RDH16: variants seen among roughly 807,000 people sequenced by gnomAD.
RDH16 encodes the protein retinol dehydrogenase 16, also known as human epidermal retinol dehydrogenase.
RDH16 carries 25 observed loss-of-function variants against 22.3 expected under a neutral mutation model. That is an observed-to-expected ratio of 1.12 (90% CI 0.82 to 1.56). RDH16 has a LOEUF of 1.56. RDH16 is among the 40% of genes most tolerant of loss of function. The probability of loss-of-function intolerance (pLI) is 0.00; values close to 1 mark genes in which losing one functional copy is unlikely to be tolerated. For missense variants in RDH16, 413 were observed against 394.9 expected (o/e 1.05, Z -0.39); for synonymous variants, 154 against 164.4 (o/e 0.94, Z 0.48).
intron 3 of RDH16, 123 bp from the exon 4 acceptor site, chr12:56,952,369 C>T: frequency 1.2e-6 from 1 of 861,368 alleles, no homozygotes; most frequent in Non-Finnish European, 1.8e-6. Context: ...TCAAGCAATG[C>T]CTCAAATCTC....
At chr12:56,954,868 G>C (rs148292475) in intron 2 of RDH16, 38 bp downstream of exon 2, 2 of 1,609,192 alleles carry the variant, frequency 1.2e-6, no homozygotes, top group African/African-American at 2.7e-5. Flanking sequence ...AAGGACAGGA[G>C]CAGGAAGACT....
chr12:56,955,813 C>T (rs774322183), intron 1 of RDH16, among the ~76,000 whole-genome samples: 4 of 152,074 alleles, frequency 2.6e-5, no homozygotes, highest in Non-Finnish European at 5.9e-5. Flanking sequence ...AGCAAGGTTG[C>T]GTCACCCCAC....
intron 1 of RDH16, among the ~76,000 whole-genome samples, chr12:56,955,850 C>T (rs1391593090): frequency 6.6e-6 from 1 of 152,112 alleles, no homozygotes; most frequent in African/African-American, 2.4e-5. Context: ...ACCCTCTGCC[C>T]CAGAAAATGT....
chr12:56,952,336 T>C, intron 3 of RDH16, 90 bp from the exon 4 acceptor site: 1 of 1,206,726 alleles, frequency 8.3e-7, no homozygotes, highest in Admixed American at 2.1e-5. Context: ...GTCTAAGAAC[T>C]CATGCCACCC....
chr12:56,956,156 ATTTTT>A (rs1377903766), intron 1 of RDH16, among the ~76,000 whole-genome samples: 6 of 152,156 alleles, frequency 3.9e-5, no homozygotes, highest in African/African-American at 1.4e-4. Flanking sequence ...CAGACATCTC[ATTTTT>A]AAGAATCCAA....
At position 56,952,952 on chromosome 12, in the gene RDH16, A is replaced by G. The variant is rs771263690; in HGVS notation, c.611T>C (p.Ile204Thr). The change falls in exon 3 of 4, where the codon ATT (isoleucine) becomes ACT (threonine). Residue 204 changes from isoleucine to threonine, a missense_variant. Coordinates refer to ENST00000398138, the MANE Select transcript of RDH16 (RefSeq NM_003708.5). ...AGCAGTCTTGAAATAGCCAGGTTCA[A>G]TCATAGCCACCTTCACCCCAAAGTA... ...LSYFGVKVAM[I>T]EPGYFKTAVT... 1.9e-6 allele frequency: 3 copies of G among 1,613,938 alleles called. No homozygotes were observed. Among genetic ancestry groups the G allele is most frequent in the Non-Finnish European group, 1.7e-6 (2 of 1,179,922 alleles).
chr12:56,955,189 G>T lies in RDH16; in HGVS notation c.314-25C>A, dbSNP rs777977253. ...CCTGGGACAGTGGGAAGATGAGAGA[G>T]CATCACTGTGTTGTGCCTGTGCAGG... On this transcript the variant is annotated intron_variant, in intron 1 of 3. Transcript: ENST00000398138. The T allele has an allele frequency of 2.5e-6, 4 of 1,613,110 alleles. No homozygotes were observed. In the Admixed American group the frequency reaches 6.7e-5, roughly 27 times the overall value.
chr12:56,952,377 C>A, intron 3 of RDH16, 131 bp from the exon 4 acceptor site: 1 of 806,706 alleles, frequency 1.2e-6, no homozygotes, highest in Non-Finnish European at 2.0e-6. Context: ...TGCCTCAAAT[C>A]TCTTTTATCC....
chr12:56,956,303 G>A (rs1171907237), intron 1 of RDH16, among the ~76,000 whole-genome samples: 2 of 152,108 alleles, frequency 1.3e-5, no homozygotes, highest in East Asian at 1.9e-4. Flanking sequence ...CTATTGGAAG[G>A]ATACAGTATT....
At position 56,957,445 on chromosome 12, in the gene RDH16, C is replaced by T. The variant is rs555249718; in HGVS notation, c.18G>A (p.Ala6=). MWLYL[A]VFVGLYYLLH... Reference sequence around the variant, plus strand: ...GAAGGTAGTACAGGCCCACGAAAACCGCCAGGTAGAGCCACATGGCTTTGC... The same window carrying T: ...GAAGGTAGTACAGGCCCACGAAAACTGCCAGGTAGAGCCACATGGCTTTGC... The change falls in exon 1 of 4, where the codon GCG becomes GCA. Residue 6 remains alanine, a synonymous_variant. Coordinates refer to ENST00000398138, the MANE Select transcript of RDH16 (RefSeq NM_003708.5). 100 of 1,611,940 alleles carry T rather than the reference C, an allele frequency of 6.2e-5. 1 individual carries two copies. In the South Asian group the frequency reaches 8.4e-4, roughly 13 times the overall value.
Position 56,954,959 on chromosome 12 carries a change from A to G in RDH16, c.519T>C (p.Gly173=), listed in dbSNP as rs753474390. ...CATACTTGGAGATGCAGTAGCCTCC[A>G]CCAAAAAGTGACACCCGGCCCATGA... The part of the protein sequence containing the change: ...SSVMGRVSLF[G]GGYCISKYGV... Residue 173 remains glycine, a synonymous_variant, in exon 2 of 4, where the codon GGT becomes GGC. Coordinates refer to ENST00000398138, the MANE Select transcript of RDH16 (RefSeq NM_003708.5). 1.8e-5 allele frequency: 29 copies of G among 1,614,054 alleles called. No homozygotes were observed. Among genetic ancestry groups the G allele is most frequent in the South Asian group, 4.4e-5 (4 of 91,080 alleles).
intron 2 of RDH16, among the ~76,000 whole-genome samples, chr12:56,954,096 G>C (rs1955905663): frequency 6.6e-6 from 1 of 152,214 alleles, no homozygotes; most frequent in African/African-American, 2.4e-5. Context: ...TGAAGGAATG[G>C]CCTCAGGGCT....
intron 1 of RDH16, 106 bp from the exon 2 acceptor site, chr12:56,955,270 T>C: frequency 7.3e-7 from 1 of 1,364,004 alleles, no homozygotes; most frequent in Non-Finnish European, 1.0e-6. Flanking sequence ...GACTGACAGG[T>C]GTGGGATGGG....
intron 2 of RDH16, among the ~76,000 whole-genome samples, chr12:56,953,518 C>T (rs558572365): frequency 6.6e-6 from 1 of 152,346 alleles, no homozygotes; most frequent in East Asian, 1.9e-4. Flanking sequence ...GGAGGGGGTT[C>T]CACTGCCAAC....
At chr12:56,956,354 G>A (rs1235095013) in intron 1 of RDH16, among the ~76,000 whole-genome samples, 4 of 152,174 alleles carry the variant, frequency 2.6e-5, no homozygotes, top group African/African-American at 9.7e-5. Context: ...AGTCATTATG[G>A]TGGAAAAGTG....
chr12:56,955,773 G>A lies in RDH16; in HGVS notation c.314-609C>T, dbSNP rs61939624. Among the ~76,000 whole-genome samples the A allele has an allele frequency of 9.4e-3, 1,437 of 152,098 alleles. 7 individuals are homozygous for A. Among genetic ancestry groups the A allele is most frequent in the Non-Finnish European group, 0.016 (1,070 of 67,980 alleles). On this transcript the variant is annotated intron_variant, in intron 1 of 3. Transcript: ENST00000398138. ...GTAACATTTTTATAGAAAGCACAGG[G>A]GAATTCCAATGCACAGGCTTTGGGA...
At position 56,954,878 on chromosome 12, in the gene RDH16, T is replaced by G. The variant is rs77956681; in HGVS notation, c.572+28A>C. On this transcript the variant is annotated intron_variant, in intron 2 of 3. Transcript: ENST00000398138. ...CCCACAAGGACAGGAGCAGGAAGAC[T>G]AGGGTGGGCCCCATCCCAGACCCAT... 10,713 of 1,611,932 alleles carry G rather than the reference T, an allele frequency of 6.6e-3. 516 individuals are homozygous for G. In the African/African-American group the frequency reaches 0.11, roughly 17 times the overall value.
Position 56,951,439 on chromosome 12 carries a change from CA to C in RDH16, c.*589del. On this transcript the variant is annotated 3_prime_UTR_variant, in exon 4 of 4. Transcript: ENST00000398138. ...TCAAAGGAAGTCCATGCTTTCAAGA[CA>C]AATCAAAAACTGATTTATTTGTCCT... is the stretch of plus-strand genomic sequence containing the variant. The C allele has an allele frequency of 6.5e-6, 1 of 153,480 alleles. No homozygotes were observed. The highest frequency in any genetic ancestry group is 1.9e-4 in the East Asian group (1 of 5,214). The allele number at this position is 153,480 out of a possible 1,614,324, so 9.5% of individuals were successfully genotyped here.
Position 56,951,926 on chromosome 12 carries a change from A to G in RDH16, c.*103T>C, listed in dbSNP as rs1019191479. 4 of 904,242 alleles carry G rather than the reference A, an allele frequency of 4.4e-6. No individual in the cohort carries two copies. The highest frequency in any genetic ancestry group is 5.2e-6 in the Non-Finnish European group (3 of 572,108). The allele number at this position is 904,242 out of a possible 1,614,324, so 56.0% of individuals were successfully genotyped here. On this transcript the variant is annotated 3_prime_UTR_variant, in exon 4 of 4. Transcript: ENST00000398138. Reference sequence around the variant, plus strand: ...ATGAAGGAGGTGGGATTGGTGCCCTACTGACCGGACGGCTCCCTCCCTCCA... The same window carrying G: ...ATGAAGGAGGTGGGATTGGTGCCCTGCTGACCGGACGGCTCCCTCCCTCCA...
Sources: allele counts gnomAD v4.1 joint callset (sites outside exome capture counted in the v4.1 genomes callset), GRCh38; gene constraint gnomAD v4.1.1; transcripts MANE v1.5; gene names NCBI Gene and HGNC (gene_info 2026-07-23, HGNC 2026-07-21).